The following PLCB4 variants were observed in gnomAD, a reference collection of about 807,000 sequenced individuals.
PLCB4 encodes 1-phosphatidylinositol 4,5-bisphosphate phosphodiesterase beta-4.
A neutral mutation model predicts 178.8 loss-of-function variants in PLCB4; 77 were observed. The observed-to-expected ratio is 0.43, with a 90% CI of 0.36 to 0.52. PLCB4 has a LOEUF of 0.52. PLCB4 is among the 20% of genes least tolerant of loss of function. PLCB4 has a pLI of 0.00. For synonymous variants in PLCB4, 496 were observed against 490.8 expected (o/e 1.01, Z -0.14); for missense variants, 1,024 against 1,453.4 (o/e 0.70, Z 4.80).
intron 7 of PLCB4, among the ~76,000 whole-genome samples, chr20:9,359,904 C>T (rs2035171716): frequency 6.6e-6 from 1 of 152,174 alleles, no homozygotes; most frequent in African/African-American, 2.4e-5. Context: ...GCTGGCATTT[C>T]ATCTACTTTA....
chr20:9,467,293 G>A (rs1355267808), intron 35 of PLCB4, among the ~76,000 whole-genome samples: 2 of 152,162 alleles, frequency 1.3e-5, no homozygotes, highest in East Asian at 3.9e-4. Context: ...TGGGGGACTG[G>A]GGGAGGGATA....
intron 3 of PLCB4, among the ~76,000 whole-genome samples, chr20:9,232,558 C>A (rs2093944689): frequency 6.6e-6 from 1 of 151,940 alleles, no homozygotes; most frequent in Admixed American, 6.6e-5. Context: ...TAAATTAAAA[C>A]CAAATTTTAG....
chr20:9,313,720 G>A (rs1165524620), intron 4 of PLCB4, among the ~76,000 whole-genome samples: 11 of 152,136 alleles, frequency 7.2e-5, no homozygotes, highest in Non-Finnish European at 1.6e-4. Flanking sequence ...ACTTTATTAT[G>A]CACTGCAGTA....
At chr20:9,449,328 C>T (rs746108657) in intron 32 of PLCB4, among the ~76,000 whole-genome samples, 5 of 151,928 alleles carry the variant, frequency 3.3e-5, no homozygotes, top group African/African-American at 4.8e-5. Context: ...TCTCCAGTAA[C>T]GTGTTAGAAG....
At chr20:9,072,912 G>T (rs1329191146) in intron 1 of PLCB4, among the ~76,000 whole-genome samples, 1 of 152,084 alleles carries the variant, frequency 6.6e-6, no homozygotes, top group African/African-American at 2.4e-5. Context: ...ATAAATCCAA[G>T]GTTTTTCTCT....
At chr20:9,335,931 A>C (rs972124203) in intron 4 of PLCB4, among the ~76,000 whole-genome samples, 1 of 152,170 alleles carries the variant, frequency 6.6e-6, no homozygotes, top group Non-Finnish European at 1.5e-5. Context: ...AGGGACCCCT[A>C]GGACTACTTT....
chr20:9,341,203 A>G (rs1361522426), intron 7 of PLCB4, among the ~76,000 whole-genome samples: 1 of 152,060 alleles, frequency 6.6e-6, no homozygotes, highest in Non-Finnish European at 1.5e-5. Context: ...GGCCCATTCT[A>G]AGAACCACGT....
intron 3 of PLCB4, among the ~76,000 whole-genome samples, chr20:9,290,210 C>A (rs188860390): frequency 2.1e-4 from 31 of 151,136 alleles, no homozygotes; most frequent in Admixed American, 4.0e-4. Context: ...ATTGCAGACA[C>A]AAGGACCAAA....
intron 19 of PLCB4, among the ~76,000 whole-genome samples, chr20:9,397,538 T>C (rs2038690155): frequency 6.6e-6 from 1 of 152,234 alleles, no homozygotes; most frequent in African/African-American, 2.4e-5. Context: ...CATTCTCTTT[T>C]AGGAAAGCTA....
chr20:9,407,328 A>G (rs766478417), intron 21 of PLCB4, among the ~76,000 whole-genome samples: 2 of 151,310 alleles, frequency 1.3e-5, no homozygotes, highest in Admixed American at 6.6e-5. Flanking sequence ...ATATGATGCT[A>G]TATCTATTTC....
chr20:9,210,798 T>C (rs1184644859), intron 2 of PLCB4, among the ~76,000 whole-genome samples: 2 of 152,194 alleles, frequency 1.3e-5, no homozygotes, highest in Non-Finnish European at 2.9e-5. Context: ...ATGGGGGCAG[T>C]TCCAGAGACT....
intron 19 of PLCB4, 87 bp downstream of exon 19, chr20:9,395,705 C>G: frequency 1.0e-6 from 1 of 955,078 alleles, no homozygotes; most frequent in Non-Finnish European, 1.6e-6. Flanking sequence ...GGCTCAAGCC[C>G]ATAATCCCAG....
chr20:9,442,379 G>GT (rs11087846), intron 30 of PLCB4, among the ~76,000 whole-genome samples: 19,571 of 148,480 alleles, frequency 0.13, 1,271 homozygotes, highest in East Asian at 0.2. Context: ...GTAGAGTGTG[G>GT]TTTTTTTTTT....
intron 9 of PLCB4, among the ~76,000 whole-genome samples, chr20:9,366,346 G>A (rs530433488): frequency 1.4e-5 from 2 of 144,132 alleles, no homozygotes; most frequent in African/African-American, 2.6e-5. Flanking sequence ...GCAGTGAGTC[G>A]AGATGGCACC....
intron 5 of PLCB4, 49 bp from the exon 6 acceptor site, chr20:9,337,959 G>A (rs746928467): frequency 2.8e-6 from 4 of 1,450,898 alleles, no homozygotes; most frequent in Admixed American, 1.7e-5. Context: ...CTGTATCATA[G>A]GTATGGCATA....
intron 4 of PLCB4, among the ~76,000 whole-genome samples, chr20:9,331,701 AG>A (rs1301029406): frequency 6.6e-6 from 1 of 152,226 alleles, no homozygotes; most frequent in Non-Finnish European, 1.5e-5. Flanking sequence ...TTTGAAAAAT[AG>A]GTTGTGATAT....
intron 7 of PLCB4, among the ~76,000 whole-genome samples, chr20:9,341,401 G>A (rs1004887663): frequency 1.3e-5 from 2 of 152,030 alleles, no homozygotes; most frequent in African/African-American, 2.4e-5. Flanking sequence ...CATACTTTTT[G>A]TATGGTATAT....
chr20:9,299,669 C>T (rs543038006), intron 3 of PLCB4, among the ~76,000 whole-genome samples: 2 of 151,972 alleles, frequency 1.3e-5, no homozygotes, highest in East Asian at 3.9e-4. Context: ...TTAATGGGTA[C>T]AGTATTTAAG....
intron 2 of PLCB4, among the ~76,000 whole-genome samples, chr20:9,184,026 AT>A (rs1297755476): frequency 6.6e-6 from 1 of 152,104 alleles, no homozygotes; most frequent in Admixed American, 6.6e-5. Flanking sequence ...GCAAGTTTAC[AT>A]TTTTTTCCTG....
Sources: allele counts gnomAD v4.1 joint callset (sites outside exome capture counted in the v4.1 genomes callset), GRCh38; gene constraint gnomAD v4.1.1; transcripts MANE v1.5; gene names NCBI Gene and HGNC (gene_info 2026-07-23, HGNC 2026-07-21).